Variants in B3GAT2 observed in about 807,000 individuals in gnomAD.
B3GAT2 encodes the protein beta-1,3-glucuronyltransferase 2.
A neutral mutation model predicts 27.8 loss-of-function variants in B3GAT2; 26 were observed. The ratio of observed to expected loss-of-function variants is 0.93; its 90% confidence interval spans 0.68 to 1.30. The LOEUF (loss-of-function observed/expected upper bound fraction) is 1.30. Among genes scored for constraint, B3GAT2 ranks in the 50% most tolerant of loss-of-function variants. B3GAT2 has a pLI of 0.00. For missense variants in B3GAT2, 458 were observed against 459.0 expected (o/e 1.00, Z 0.02); for synonymous variants, 218 against 195.1 (o/e 1.12, Z -0.98).
intron 1 of B3GAT2, among the ~76,000 whole-genome samples, chr6:70,945,587 C>A (rs534808853): frequency 1.3e-5 from 2 of 151,256 alleles, no homozygotes; most frequent in African/African-American, 4.9e-5. Flanking sequence ...AAGACAAAAT[C>A]TACGTCTGAT....
intron 1 of B3GAT2, among the ~76,000 whole-genome samples, chr6:70,917,931 A>T (rs1772801477): frequency 6.6e-6 from 1 of 152,140 alleles, no homozygotes. Context: ...TCTAGAGCTG[A>T]GTTCAAGTCC....
Position 70,946,727 on chromosome 6 carries a change from G to A in B3GAT2, c.591+9112C>T, listed in dbSNP as rs191864553. Among the ~76,000 whole-genome samples the A allele has an allele frequency of 4.8e-3, 737 of 152,050 alleles. 4 individuals carry two copies. Among genetic ancestry groups the A allele is most frequent in the African/African-American group, 0.014 (563 of 41,468 alleles). ...AATTGAACTCAGCTCTGCACCAAGC[G>A]GACCTAATACACATCTAAAGAACTC... On this transcript the variant is annotated intron_variant, in intron 1 of 3. Transcript: ENST00000230053.
At chr6:70,940,561 A>T (rs1038361185) in intron 1 of B3GAT2, among the ~76,000 whole-genome samples, 5 of 152,150 alleles carry the variant, frequency 3.3e-5, no homozygotes, top group African/African-American at 1.2e-4. Context: ...ATTTGTGCCA[A>T]CGATAATCAC....
intron 1 of B3GAT2, among the ~76,000 whole-genome samples, chr6:70,941,185 C>G (rs144783603): frequency 3.3e-5 from 5 of 152,102 alleles, no homozygotes; most frequent in African/African-American, 4.8e-5. Context: ...ACCTCCTCCT[C>G]CCCCTAGGCC....
At chr6:70,926,073 C>T (rs1772951531) in intron 1 of B3GAT2, among the ~76,000 whole-genome samples, 1 of 152,196 alleles carries the variant, frequency 6.6e-6, no homozygotes, top group African/African-American at 2.4e-5. Flanking sequence ...AGACCTGCAG[C>T]TGAGGGTCCT....
Position 70,878,726 on chromosome 6 carries a change from T to C in B3GAT2, c.736+15402A>G, listed in dbSNP as rs1000776950. 2.5e-4 allele frequency among the ~76,000 whole-genome samples: 38 copies of C among 152,100 alleles called. 1 individual carries two copies. Among genetic ancestry groups the C allele is most frequent in the Admixed American group, 2.2e-3 (33 of 15,270 alleles). On this transcript the variant is annotated intron_variant, in intron 2 of 3. Coordinates refer to ENST00000230053, the MANE Select transcript of B3GAT2 (RefSeq NM_080742.3). ...ATTTTGGTTTCTCTTCTTCCTCTAA[T>C]TGTTGAAAAGGTTTTGTTTTATATG...
intron 2 of B3GAT2, among the ~76,000 whole-genome samples, chr6:70,892,034 G>A (rs1414106767): frequency 6.6e-6 from 1 of 152,092 alleles, no homozygotes; most frequent in Non-Finnish European, 1.5e-5. Context: ...AAGTTCATGT[G>A]TGAAGTGAAA....
chr6:70,955,694 G>A (rs1765642780), intron 1 of B3GAT2, 145 bp downstream of exon 1: 1 of 989,706 alleles, frequency 1.0e-6, no homozygotes, highest in Admixed American at 3.2e-5. Context: ...GCAAGGAGCG[G>A]CTCCACTCGG....
chr6:70,856,921 A>T lies in B3GAT2; in HGVS notation c.*4742T>A. 1.2e-6 allele frequency: 2 copies of T among 1,613,956 alleles called. No homozygotes were observed. Among genetic ancestry groups the T allele is most frequent in the Non-Finnish European group, 1.7e-6 (2 of 1,179,850 alleles). On this transcript the variant is annotated 3_prime_UTR_variant, in exon 4 of 4. Transcript: ENST00000230053. ...CAGTAACATCTGGGGATCTAGATTT[A>T]TTCACTGAGCAAACTACAAAATCAG...
chr6:70,894,074 C>T, intron 2 of B3GAT2, 54 bp downstream of exon 2: 1 of 1,467,162 alleles, frequency 6.8e-7, no homozygotes, highest in African/African-American at 1.4e-5. Context: ...TCGTTATAAA[C>T]AAGAGCATAA....
At chr6:70,937,178 T>C (rs1207913446) in intron 1 of B3GAT2, among the ~76,000 whole-genome samples, 2 of 152,082 alleles carry the variant, frequency 1.3e-5, no homozygotes, top group African/African-American at 4.8e-5. Context: ...CCTCGGCACA[T>C]ACACCCTCCC....
At chr6:70,947,593 C>T (rs1765512839) in intron 1 of B3GAT2, among the ~76,000 whole-genome samples, 1 of 151,414 alleles carries the variant, frequency 6.6e-6, no homozygotes, top group Non-Finnish European at 1.5e-5. Flanking sequence ...TAATCAATAG[C>T]TTACCAACCA....
chr6:70,897,229 A>G (rs113944590), intron 1 of B3GAT2, among the ~76,000 whole-genome samples: 1 of 139,954 alleles, frequency 7.1e-6, no homozygotes, highest in Non-Finnish European at 1.6e-5. Flanking sequence ...CGCACATTCA[A>G]AAAAAAAAAG....
Position 70,858,231 on chromosome 6 carries a change from T to TATC in B3GAT2, c.*3431_*3432insGAT. 1 of 1,604,126 alleles carries TATC rather than the reference T, an allele frequency of 6.2e-7. No individual in the cohort carries two copies. The highest frequency in any genetic ancestry group is 8.5e-7 in the Non-Finnish European group (1 of 1,175,188). ...CAGCCCCAGTGGAGCCTCTCACAGG[T>TATC]AGGGGTCATTTACTTTCTAGCTTCT... is the stretch of plus-strand genomic sequence containing the variant. On this transcript the variant is annotated 3_prime_UTR_variant, in exon 4 of 4. Transcript: ENST00000230053.
At chr6:70,946,877 CTG>C (rs1765493588) in intron 1 of B3GAT2, among the ~76,000 whole-genome samples, 1 of 151,956 alleles carries the variant, frequency 6.6e-6, no homozygotes, top group Non-Finnish European at 1.5e-5. Context: ...TTATAACAAA[CTG>C]TCTCTCAGAC....
chr6:70,936,566 G>C (rs1765283951), intron 1 of B3GAT2, among the ~76,000 whole-genome samples: 1 of 152,078 alleles, frequency 6.6e-6, no homozygotes, highest in Non-Finnish European at 1.5e-5. Context: ...TCAGACCACA[G>C]TGCAATCAAA....
In B3GAT2 at chr6:70,861,695, A is replaced by ACTT; in HGVS notation, c.937_939dup (p.Lys313dup). Reference sequence around the variant, plus strand: ...TCAATTTTCACTGTGTCCAGGTGGTACTTTGGCTCGTTGGCTAGATTAACC... The same window carrying ACTT: ...TCAATTTTCACTGTGTCCAGGTGGTACTTCTTTGGCTCGTTGGCTAGATTAACC... On this transcript the variant is annotated inframe_insertion, in exon 4 of 4. Coordinates refer to ENST00000230053, the MANE Select transcript of B3GAT2 (RefSeq NM_080742.3). 6 of 1,614,110 alleles carry ACTT rather than the reference A, an allele frequency of 3.7e-6. No homozygotes were observed. Among genetic ancestry groups the ACTT allele is most frequent in the Non-Finnish European group, 5.1e-6 (6 of 1,179,976 alleles).
intron 2 of B3GAT2, among the ~76,000 whole-genome samples, chr6:70,880,619 G>T (rs1488507710): frequency 2.0e-5 from 3 of 150,722 alleles, no homozygotes. Flanking sequence ...CTCCCAAGTA[G>T]CTAGGACTAC....
At chr6:70,885,841 C>T (rs903193844) in intron 2 of B3GAT2, among the ~76,000 whole-genome samples, 2 of 152,184 alleles carry the variant, frequency 1.3e-5, no homozygotes, top group African/African-American at 4.8e-5. Context: ...AGATATTCCC[C>T]TAGATCTTCA....
Sources: allele counts gnomAD v4.1 joint callset (sites outside exome capture counted in the v4.1 genomes callset), GRCh38; gene constraint gnomAD v4.1.1; transcripts MANE v1.5; gene names NCBI Gene and HGNC (gene_info 2026-07-23, HGNC 2026-07-21).